CEP350: variants seen among roughly 807,000 people sequenced by gnomAD.
CEP350 encodes the protein centrosome-associated protein 350.
In CEP350, 126 loss-of-function variants were observed where a neutral mutation model predicts 331.8. The ratio of observed to expected loss-of-function variants is 0.38; its 90% CI spans 0.33 to 0.44. CEP350 has a LOEUF of 0.44. Ranked by LOEUF, CEP350 falls within the 20% of genes least tolerant of loss-of-function variation. The pLI, the probability that CEP350 is intolerant of heterozygous loss-of-function variation, is 1.00. For synonymous variants in CEP350, 1,200 were observed against 1,259.5 expected (o/e 0.95, Z 1.00); for missense variants, 3,406 against 3,634.6 (o/e 0.94, Z 1.62).
intron 30 of CEP350, among the ~76,000 whole-genome samples, chr1:180,081,766 G>A (rs766416014): frequency 2.0e-5 from 3 of 152,176 alleles, no homozygotes; most frequent in Non-Finnish European, 2.9e-5. Context: ...AAAAGGTGTA[G>A]TAAAAATATT....
Position 180,041,168 on chromosome 1 carries a change from G to A in CEP350, c.4141G>A (p.Ala1381Thr). 1 of 1,596,938 alleles carries A rather than the reference G, an allele frequency of 6.3e-7. No individual in the cohort carries two copies. ...ACAGCAACGCCATGAAAGAGACTTG[G>A]CCCTCTTGAAACTAAAGGCTGAACA... is the stretch of plus-strand genomic sequence containing the variant. ...AQQQRHERDL[A>T]LLKLKAEQEA... Residue 1381 changes from alanine (A) to threonine (T), a missense_variant, in exon 18 of 38, where the codon GCC (alanine) becomes ACC (threonine). Physicochemically the swap from Ala to Thr is moderately conservative, Grantham distance 58. Transcript: ENST00000367607.
intron 37 of CEP350, among the ~76,000 whole-genome samples, chr1:180,100,440 A>C (rs1457941861): frequency 6.6e-6 from 1 of 152,236 alleles, no homozygotes; most frequent in South Asian, 2.1e-4. Flanking sequence ...AGAAAAAAGC[A>C]TATTAAGAGG....
intron 36 of CEP350, among the ~76,000 whole-genome samples, chr1:180,097,338 A>G (rs910770492): frequency 1.3e-5 from 2 of 152,234 alleles, no homozygotes; most frequent in Non-Finnish European, 2.9e-5. Flanking sequence ...TTTACAGAAA[A>G]AATTGGCCAT....
At chr1:180,082,855 T>TA (rs1352073382) in intron 30 of CEP350, among the ~76,000 whole-genome samples, 1 of 152,114 alleles carries the variant, frequency 6.6e-6, no homozygotes, top group African/African-American at 2.4e-5. Context: ...CTTACCAAAA[T>TA]AATAATAATT....
chr1:180,021,590 G>T (rs899539144), intron 12 of CEP350, among the ~76,000 whole-genome samples: 5 of 151,980 alleles, frequency 3.3e-5, no homozygotes, highest in Non-Finnish European at 7.4e-5. Flanking sequence ...CCTGGTAGGC[G>T]GAGGTTGCAG....
At chr1:180,042,132 T>TCACACACACACACACA (rs59048123) in intron 19 of CEP350, among the ~76,000 whole-genome samples, 51 of 146,868 alleles carry the variant, frequency 3.5e-4, no homozygotes, top group African/African-American at 1.2e-3. Context: ...GAGTTTTCTC[T>TCACACACACACACACA]CACACACACA....
chr1:179,994,906 G>A (rs114862101), intron 5 of CEP350, among the ~76,000 whole-genome samples: 1 of 152,112 alleles, frequency 6.6e-6, no homozygotes, highest in East Asian at 1.9e-4. Flanking sequence ...ACTATGTTAT[G>A]TTGTTGTGGC....
At chr1:180,069,093 A>G (rs1319571551) in intron 27 of CEP350, among the ~76,000 whole-genome samples, 1 of 152,198 alleles carries the variant, frequency 6.6e-6, no homozygotes, top group Non-Finnish European at 1.5e-5. Flanking sequence ...TTTCAAACAT[A>G]AAAAGAAGGG....
At position 180,112,908 on chromosome 1, in the gene CEP350, A is replaced by G. The variant is rs975107751; in HGVS notation, c.*1747A>G. The G allele has an allele frequency of 1.3e-5, 2 of 152,632 alleles. No individual in the cohort carries two copies. Among genetic ancestry groups the G allele is most frequent in the Non-Finnish European group, 2.9e-5 (2 of 68,042 alleles). 9.5% of individuals were successfully genotyped at this position (152,632 alleles called of 1,614,324 possible). The stretch of plus-strand genomic sequence containing the variant: ...TGGAATATTTGCATTTTGCACAATG[A>G]CTGGTATGATAGCTCTTGACAAATA... On this transcript the variant is annotated 3_prime_UTR_variant, in exon 38 of 38. Coordinates refer to ENST00000367607, the MANE Select transcript of CEP350 (RefSeq NM_014810.5).
chr1:180,014,305 CA>C lies in CEP350; in HGVS notation c.1856del (p.Lys619ArgfsTer25). 6.3e-7 allele frequency: 1 copy of C among 1,593,478 alleles called. No individual in the cohort carries two copies. The highest frequency in any genetic ancestry group is 8.5e-7 in the Non-Finnish European group (1 of 1,169,718). On this transcript the variant is annotated frameshift_variant, in exon 10 of 38. Coordinates refer to ENST00000367607, the MANE Select transcript of CEP350 (RefSeq NM_014810.5). LOFTEE classifies it high-confidence loss of function. Reference sequence around the variant, plus strand: ...AAAGCAAAATGAAGAGAAGAAGGCTCAAAAGGAGGCTACAGAACAGAAAAAC... The same window carrying C: ...AAAGCAAAATGAAGAGAAGAAGGCTCAAAGGAGGCTACAGAACAGAAAAAC... ...KRKQNEEKKAQKEATEQKNKR... is the reference protein window; with the variant it reads ...KRKQNEEKKAXKEATEQKNKR...
intron 21 of CEP350, among the ~76,000 whole-genome samples, chr1:180,046,142 GTTTC>G (rs1657103184): frequency 6.6e-6 from 1 of 152,144 alleles, no homozygotes; most frequent in Non-Finnish European, 1.5e-5. Context: ...ATGTGTACAT[GTTTC>G]TTTGTTAGTC....
At chr1:180,067,689 C>CA (rs1009338783) in intron 27 of CEP350, among the ~76,000 whole-genome samples, 20 of 149,528 alleles carry the variant, frequency 1.3e-4, no homozygotes, top group Admixed American at 4.7e-4. Context: ...AACTTAGTCT[C>CA]AAAAAAAAAG....
chr1:180,093,417 T>G lies in CEP350; in HGVS notation c.7312T>G (p.Cys2438Gly). 1 of 1,598,330 alleles carries G rather than the reference T, an allele frequency of 6.3e-7. No individual in the cohort carries two copies. Among genetic ancestry groups the G allele is most frequent in the South Asian group, 1.1e-5 (1 of 88,454 alleles). ...TGGTAGTAATGAGGAAATCAGTGAG[T>G]GCCTAAGTGAGAAAAGCCTTTCTAT... is the stretch of plus-strand genomic sequence containing the variant. The part of the protein sequence containing the change: ...SFGSNEEISE[C>G]LSEKSLSIHS... The change falls in exon 34 of 38, where the codon TGC (cysteine) becomes GGC (glycine). Residue 2438 changes from cysteine (C) to glycine (G), a missense_variant. Physicochemically the swap from Cys to Gly is radical, Grantham distance 159. Coordinates refer to ENST00000367607, the MANE Select transcript of CEP350 (RefSeq NM_014810.5).
intron 11 of CEP350, among the ~76,000 whole-genome samples, chr1:180,018,995 A>G (rs1018933129): frequency 1.3e-5 from 2 of 152,068 alleles, no homozygotes; most frequent in Non-Finnish European, 2.9e-5. Flanking sequence ...AGCTGGGACT[A>G]CAGGCACATG....
At chr1:180,106,309 A>G (rs963557746) in intron 37 of CEP350, among the ~76,000 whole-genome samples, 2 of 152,206 alleles carry the variant, frequency 1.3e-5, no homozygotes, top group Admixed American at 6.5e-5. Flanking sequence ...CGTCTTTCTC[A>G]TATTAAGCCT....
At chr1:179,961,383 G>C (rs1304349399) in intron 1 of CEP350, among the ~76,000 whole-genome samples, 1 of 152,110 alleles carries the variant, frequency 6.6e-6, no homozygotes, top group Non-Finnish European at 1.5e-5. Flanking sequence ...GGGAGGTGTA[G>C]GTTGCAGTGA....
At chr1:179,991,286 T>C (rs1653037334) in intron 4 of CEP350, among the ~76,000 whole-genome samples, 1 of 151,600 alleles carries the variant, frequency 6.6e-6, no homozygotes, top group Admixed American at 6.6e-5. Flanking sequence ...TTACCTTTTG[T>C]ATTTTGATTC....
At chr1:180,016,906 A>G (rs1383002872) in intron 11 of CEP350, among the ~76,000 whole-genome samples, 1 of 151,666 alleles carries the variant, frequency 6.6e-6, no homozygotes, top group Non-Finnish European at 1.5e-5. Context: ...CAAGTGATCC[A>G]CCCACCTCAG....
chr1:179,985,786 A>G (rs1423812301), intron 1 of CEP350, among the ~76,000 whole-genome samples: 1 of 152,078 alleles, frequency 6.6e-6, no homozygotes, highest in African/African-American at 2.4e-5. Context: ...AATTACTTCT[A>G]CCTGGTCCCG....
Sources: gnomAD v4.1 joint callset for allele counts (sites outside exome capture counted in the v4.1 genomes callset) on GRCh38, gnomAD v4.1.1 for gene constraint, MANE v1.5 for transcripts, NCBI Gene and HGNC (gene_info 2026-07-23, HGNC 2026-07-21) for gene names.